Variants in INPP5A observed in about 807,000 individuals in gnomAD.
INPP5A encodes 43 kDa inositol polyphosphate 5-phophatase.
Under a neutral mutation model 65.2 loss-of-function variants are expected in INPP5A, and 14 were observed. That is an observed-to-expected ratio of 0.21 (90% CI 0.14 to 0.34). The LOEUF is 0.34. Among genes scored for constraint, INPP5A ranks in the 10% least tolerant of loss-of-function variants. INPP5A has a pLI of 1.00. For missense variants in INPP5A, 431 were observed against 545.6 expected (o/e 0.79, Z 2.09); for synonymous variants, 207 against 208.3 (o/e 0.99, Z 0.05).
At chr10:132,692,513 T>A (rs1441276899) in intron 5 of INPP5A, among the ~76,000 whole-genome samples, 4 of 151,444 alleles carry the variant, frequency 2.6e-5, no homozygotes, top group Admixed American at 2.6e-4. Context: ...CTGCAGAAAA[T>A]CAAAGAAAAA....
At position 132,719,718 on chromosome 10, in the gene INPP5A, C is replaced by T. The variant is rs1263057315; in HGVS notation, c.648-7103C>T. 6.1e-5 allele frequency among the ~76,000 whole-genome samples: 9 copies of T among 148,402 alleles called. 1 individual carries two copies. The highest frequency in any genetic ancestry group is 2.1e-4 in the South Asian group (1 of 4,670). ...CTGTGGTACCTGGGTTCTGTCTGGG[C>T]GCCTTAGACGGCTGTCTTCAGGGTT... On this transcript the variant is annotated intron_variant, in intron 8 of 15. Transcript: ENST00000368594.
chr10:132,665,932 G>A (rs1189121733), intron 4 of INPP5A, among the ~76,000 whole-genome samples: 1 of 152,090 alleles, frequency 6.6e-6, no homozygotes, highest in Non-Finnish European at 1.5e-5. Flanking sequence ...GCGTGCACCT[G>A]TAGTCGCAGC....
Position 132,674,588 on chromosome 10 carries a change from G to A in INPP5A, c.307-15804G>A, listed in dbSNP as rs577757690. 1.3e-5 allele frequency among the ~76,000 whole-genome samples: 2 copies of A among 152,192 alleles called. No homozygotes were observed. The highest frequency in any genetic ancestry group is 2.9e-5 in the Non-Finnish European group (2 of 68,046). On this transcript the variant is annotated intron_variant, in intron 4 of 15. Transcript: ENST00000368594. This position sits in a 1 kb window ranked among gnomAD's most constrained non-coding sequence, Gnocchi z 4.4. ...GAGGGTGGCGGGAGTGGAGACCATGGGCATTTGAGCCACGTCGTCATGTAA... is the reference window on the plus strand; with the variant it reads ...GAGGGTGGCGGGAGTGGAGACCATGAGCATTTGAGCCACGTCGTCATGTAA...
At chr10:132,685,989 G>T (rs1323306568) in intron 4 of INPP5A, among the ~76,000 whole-genome samples, 4 of 152,250 alleles carry the variant, frequency 2.6e-5, no homozygotes, top group African/African-American at 9.6e-5. Context: ...GAGGCACTGA[G>T]CCCCCATGGT....
At chr10:132,645,140 G>A (rs2133389954) in intron 2 of INPP5A, among the ~76,000 whole-genome samples, 1 of 152,316 alleles carries the variant, frequency 6.6e-6, no homozygotes, top group East Asian at 1.9e-4. Flanking sequence ...TCAGCACGCT[G>A]CAGCGGTGAT....
intron 4 of INPP5A, among the ~76,000 whole-genome samples, chr10:132,666,230 T>C (rs1377226495): frequency 2.0e-4 from 31 of 152,154 alleles, no homozygotes; most frequent in Admixed American, 2.0e-3. Flanking sequence ...GGGGAGTAAT[T>C]CATAGTCAGG....
intron 3 of INPP5A, among the ~76,000 whole-genome samples, chr10:132,646,814 A>C (rs909159510): frequency 6.6e-6 from 1 of 151,206 alleles, no homozygotes; most frequent in African/African-American, 2.4e-5. Context: ...GCTGCCACAC[A>C]CTGTGGGCCG....
At chr10:132,607,843 G>C in intron 1 of INPP5A, 72 bp from the exon 2 acceptor site, 1 of 1,445,716 alleles carries the variant, frequency 6.9e-7, no homozygotes, top group Admixed American at 1.7e-5. Context: ...GTCTTCACAG[G>C]AGCTTGTCCT....
chr10:132,652,245 G>A (rs971825321), intron 4 of INPP5A, among the ~76,000 whole-genome samples: 1 of 152,236 alleles, frequency 6.6e-6, no homozygotes, highest in Non-Finnish European at 1.5e-5. Flanking sequence ...CAGAAGAAAA[G>A]AGAAGGTGAC....
rs571919289 is a variant in INPP5A, at chr10:132,603,564, A to G, written c.76-4351A>G. Among the ~76,000 whole-genome samples, 2 of 152,244 alleles carry G rather than the reference A, an allele frequency of 1.3e-5. No homozygotes were observed. Among genetic ancestry groups the G allele is most frequent in the Non-Finnish European group, 2.9e-5 (2 of 68,042 alleles). ...TTTGAGATAAATATTTATTGGTGCA[A>G]GAGATAAAGCTCTACAATTCCTCTA... On this transcript the variant is annotated intron_variant, in intron 1 of 15. Transcript: ENST00000368594. This position sits in a 1 kb window ranked among gnomAD's most constrained non-coding sequence, Gnocchi z 4.2.
intron 5 of INPP5A, among the ~76,000 whole-genome samples, chr10:132,696,430 T>A (rs562707356): frequency 1.3e-5 from 2 of 152,272 alleles, no homozygotes; most frequent in African/African-American, 4.8e-5. Flanking sequence ...TGTTCTGCCT[T>A]GTGGGTGAAT....
chr10:132,629,186 T>C (rs2072232684), intron 2 of INPP5A, among the ~76,000 whole-genome samples: 1 of 152,158 alleles, frequency 6.6e-6, no homozygotes, highest in Non-Finnish European at 1.5e-5. Flanking sequence ...AGATGGGTGG[T>C]TCCTCTTTAA....
intron 4 of INPP5A, among the ~76,000 whole-genome samples, chr10:132,652,914 G>A (rs939549399): frequency 2.6e-5 from 4 of 152,172 alleles, no homozygotes; most frequent in African/African-American, 7.2e-5. Context: ...ACTTAGACGC[G>A]AAACCGACAG....
At position 132,538,512 on chromosome 10, in the gene INPP5A, A is replaced by G. The variant is rs1404808530; in HGVS notation, c.75+341A>G. On this transcript the variant is annotated intron_variant, in intron 1 of 15. Transcript: ENST00000368594. This position sits in a 1 kb window ranked among gnomAD's most constrained non-coding sequence, Gnocchi z 4.1. ...GAAACTCCAATATTAAAACCCTGTC[A>G]GAACCCCTGTTAACAGTTCCTGGAA... 6.6e-6 allele frequency among the ~76,000 whole-genome samples: 1 copy of G among 152,148 alleles called. No homozygotes were observed. Among genetic ancestry groups the G allele is most frequent in the Non-Finnish European group, 1.5e-5 (1 of 68,022 alleles).
intron 11 of INPP5A, among the ~76,000 whole-genome samples, chr10:132,750,781 G>A (rs572105025): frequency 2.0e-4 from 30 of 152,198 alleles, no homozygotes; most frequent in African/African-American, 7.0e-4. Context: ...GGGCGCTCCC[G>A]AGCCAGCTAT....
chr10:132,595,872 T>C (rs1156786956), intron 1 of INPP5A, among the ~76,000 whole-genome samples: 1 of 151,632 alleles, frequency 6.6e-6, no homozygotes, highest in South Asian at 2.1e-4. Flanking sequence ...AGAAATAGAG[T>C]TCCACATTTG....
chr10:132,592,575 C>A (rs1003816057), intron 1 of INPP5A, among the ~76,000 whole-genome samples: 3 of 152,120 alleles, frequency 2.0e-5, no homozygotes, highest in African/African-American at 7.2e-5. Flanking sequence ...GCCACCACAC[C>A]CAGCTATTTT....
intron 9 of INPP5A, among the ~76,000 whole-genome samples, chr10:132,740,047 C>G (rs556416180): frequency 6.6e-6 from 1 of 152,314 alleles, no homozygotes; most frequent in African/African-American, 2.4e-5. Context: ...GCCTGTGAAG[C>G]GATTGGCTGG....
Position 132,688,770 on chromosome 10 carries a change from G to A in INPP5A, c.307-1622G>A, listed in dbSNP as rs116873245. 1.6e-3 allele frequency among the ~76,000 whole-genome samples: 245 copies of A among 151,970 alleles called. 13 individuals are homozygous for A. The East Asian group carries it at 0.039, about 24-fold the overall frequency. The stretch of plus-strand genomic sequence containing the variant: ...TGTGAGCAAGTGCATGTGAGTGCAC[G>A]AATGAGTTCGTGTGTGAGCAAGTGC... On this transcript the variant is annotated intron_variant, in intron 4 of 15. Coordinates refer to ENST00000368594, the MANE Select transcript of INPP5A (RefSeq NM_005539.5).
Sources: allele counts gnomAD v4.1 joint callset (sites outside exome capture counted in the v4.1 genomes callset), GRCh38; gene constraint gnomAD v4.1.1; non-coding constraint Gnocchi (gnomAD v3.1); transcripts MANE v1.5; gene names NCBI Gene and HGNC (gene_info 2026-07-23, HGNC 2026-07-21).